Variants in CEP135 observed in about 807,000 individuals in gnomAD.
The protein encoded by CEP135 is centrosomal protein of 135 kDa.
A neutral mutation model predicts 157.3 loss-of-function variants in CEP135; 142 were observed. That is an observed-to-expected ratio of 0.90 (90% confidence interval 0.79 to 1.04). The LOEUF (loss-of-function observed/expected upper bound fraction) is 1.04. Ranked by LOEUF, CEP135 falls within the 50% of genes least tolerant of loss-of-function variation. The pLI is 0.00. For missense variants in CEP135, 1,317 were observed against 1,309.2 expected (o/e 1.01, Z -0.09); for synonymous variants, 396 against 439.8 (o/e 0.90, Z 1.25).
intron 24 of CEP135, 87 bp from the exon 25 acceptor site, chr4:56,024,414 T>C: frequency 3.6e-6 from 3 of 839,836 alleles, no homozygotes; most frequent in Non-Finnish European, 5.9e-6. Flanking sequence ...TTATTACAAA[T>C]TAGCTAATAA....
Position 55,967,370 on chromosome 4 carries a change from G to T in CEP135, c.1044+1511G>T, listed in dbSNP as rs1728874991. Among the ~76,000 whole-genome samples the T allele has an allele frequency of 2.6e-5, 4 of 152,068 alleles. 1 individual carries two copies. In the South Asian group the frequency reaches 8.3e-4, roughly 32 times the overall value. Reference sequence around the variant, plus strand: ...AATAGTGTCTTATTTAAAGCCTTTGGCCAGCCCCAACATTTCAGATTATCT... The same window carrying T: ...AATAGTGTCTTATTTAAAGCCTTTGTCCAGCCCCAACATTTCAGATTATCT... On this transcript the variant is annotated intron_variant, in intron 8 of 25. Coordinates refer to ENST00000257287, the MANE Select transcript of CEP135 (RefSeq NM_025009.5).
At chr4:56,018,242 A>C (rs1162945395) in intron 22 of CEP135, among the ~76,000 whole-genome samples, 3 of 152,136 alleles carry the variant, frequency 2.0e-5, no homozygotes, top group African/African-American at 7.2e-5. Flanking sequence ...GGCCTCCCAA[A>C]GTTCTGGGAT....
Position 56,019,556 on chromosome 4 carries a change from G to T in CEP135, c.3215+1G>T, listed in dbSNP as rs769347062. 3 of 1,605,668 alleles carry T rather than the reference G, an allele frequency of 1.9e-6. No individual in the cohort carries two copies. The highest frequency in any genetic ancestry group is 1.7e-5 in the Admixed American group (1 of 58,110). Reference sequence around the variant, plus strand: ...AGTTAACCCTTTCTGAAAGCAAATTGTAAGTGTCTTAAGTCAACTTATGCA... The same window carrying T: ...AGTTAACCCTTTCTGAAAGCAAATTTTAAGTGTCTTAAGTCAACTTATGCA... On this transcript the variant is annotated splice_donor_variant, in intron 23 of 25. Coordinates refer to ENST00000257287, the MANE Select transcript of CEP135 (RefSeq NM_025009.5). LOFTEE classifies it high-confidence loss of function.
intron 8 of CEP135, among the ~76,000 whole-genome samples, chr4:55,968,249 A>G (rs1728904667): frequency 6.6e-6 from 1 of 152,228 alleles, no homozygotes; most frequent in South Asian, 2.1e-4. Context: ...CAGCATTGCT[A>G]AAGAAGTTAA....
chr4:56,009,334 T>G (rs1281538269), intron 18 of CEP135, among the ~76,000 whole-genome samples: 9 of 152,140 alleles, frequency 5.9e-5, no homozygotes, highest in Non-Finnish European at 5.9e-5. Context: ...CTATTTTTTT[T>G]TGTATTTTTA....
intron 15 of CEP135, among the ~76,000 whole-genome samples, chr4:55,993,323 A>C (rs1729857491): frequency 6.6e-6 from 1 of 152,240 alleles, no homozygotes; most frequent in South Asian, 2.1e-4. Flanking sequence ...TAGGAAAAGA[A>C]AAGTCTGAGA....
At chr4:56,027,836 C>T (rs1295999846) in intron 25 of CEP135, among the ~76,000 whole-genome samples, 3 of 151,978 alleles carry the variant, frequency 2.0e-5, no homozygotes, top group East Asian at 1.9e-4. Flanking sequence ...ACTACAGGCA[C>T]GCCACCACAC....
At chr4:55,954,661 CTAT>C (rs1186518320) in intron 4 of CEP135, among the ~76,000 whole-genome samples, 1 of 151,962 alleles carries the variant, frequency 6.6e-6, no homozygotes, top group African/African-American at 2.4e-5. Context: ...ATTCTTTTTT[CTAT>C]TATTATTATC....
intron 15 of CEP135, among the ~76,000 whole-genome samples, chr4:55,998,972 T>C (rs1296202491): frequency 1.3e-5 from 2 of 152,170 alleles, no homozygotes; most frequent in Non-Finnish European, 2.9e-5. Flanking sequence ...TTGCCTCCAC[T>C]ATTGGAAAAA....
chr4:56,030,133 T>C (rs1233355995), intron 25 of CEP135, among the ~76,000 whole-genome samples: 1 of 152,174 alleles, frequency 6.6e-6, no homozygotes, highest in Admixed American at 6.5e-5. Context: ...GTCTCCTGCC[T>C]CTACATGGTG....
At position 55,985,252 on chromosome 4, in the gene CEP135, T is replaced by C. The variant is rs564096471; in HGVS notation, c.1780-29T>C. ...ATTTTGTTTTGTTATCTGATACAAA[T>C]GAACATTTTCTTTAACATTCTTTTT... is the stretch of plus-strand genomic sequence containing the variant. On this transcript the variant is annotated intron_variant, in intron 13 of 25. Transcript: ENST00000257287. The C allele has an allele frequency of 6.9e-6, 9 of 1,311,820 alleles. No homozygotes were observed. The South Asian group carries it at 8.5e-5, about 12-fold the overall frequency. The allele number at this position is 1,311,820 out of a possible 1,614,324, so 81.3% of individuals were successfully genotyped here. A position where few individuals can be genotyped will look rare whatever the true frequency, so the allele number is the denominator to read the frequency against.
chr4:55,985,752 G>A (rs892140387), intron 14 of CEP135, among the ~76,000 whole-genome samples: 5 of 152,054 alleles, frequency 3.3e-5, no homozygotes, highest in South Asian at 2.1e-4. Context: ...GAGCCACCAC[G>A]CCTGGCCTAA....
At chr4:55,986,240 T>TA (rs1028466732) in intron 14 of CEP135, among the ~76,000 whole-genome samples, 13 of 152,302 alleles carry the variant, frequency 8.5e-5, no homozygotes, top group African/African-American at 2.4e-4. Context: ...TTTGCTGTTA[T>TA]AAAAAAATCA....
chr4:56,007,857 G>C (rs1019445283), intron 17 of CEP135, among the ~76,000 whole-genome samples: 1 of 152,084 alleles, frequency 6.6e-6, no homozygotes, highest in Non-Finnish European at 1.5e-5. Flanking sequence ...TTGAGTCCTG[G>C]GATAGTGCTG....
intron 10 of CEP135, among the ~76,000 whole-genome samples, chr4:55,972,150 CA>C (rs927303197): frequency 3.8e-4 from 53 of 138,496 alleles, no homozygotes; most frequent in Middle Eastern, 3.7e-3. Context: ...ATTCCATCTC[CA>C]AAAAAAAAAA....
intron 6 of CEP135, 147 bp downstream of exon 6, chr4:55,959,913 T>C: frequency 1.4e-6 from 1 of 714,770 alleles, no homozygotes; most frequent in African/African-American, 1.8e-5. Flanking sequence ...AGTTAATAGC[T>C]GGAATGGCTT....
In CEP135 at chr4:55,957,339, G is replaced by T. The variant is rs1277514242; in HGVS notation, c.589G>T (p.Asp197Tyr). 1 of 1,613,274 alleles carries T rather than the reference G, an allele frequency of 6.2e-7. No individual in the cohort carries two copies. Among genetic ancestry groups the T allele is most frequent in the African/African-American group, 1.3e-5 (1 of 74,870 alleles). Reference protein sequence around the residue: ...VPQPDDPYIADLLQVADNRIQ... With the variant: ...VPQPDDPYIAYLLQVADNRIQ... ...TCAACCAGATGACCCTTACATTGCA[G>T]ACCTCCTTCAAGTGGCTGATAACAG... Residue 197 changes from aspartate (D) to tyrosine (Y), a missense_variant, in exon 5 of 26, where the codon GAC becomes TAC. Coordinates refer to ENST00000257287, the MANE Select transcript of CEP135 (RefSeq NM_025009.5).
chr4:55,979,807 T>C (rs537697489), intron 11 of CEP135, among the ~76,000 whole-genome samples: 1 of 152,334 alleles, frequency 6.6e-6, no homozygotes, highest in African/African-American at 2.4e-5. Context: ...AGCTTTTAGA[T>C]ACTGCTAATG....
chr4:56,028,345 GA>G (rs1359968970), intron 25 of CEP135, among the ~76,000 whole-genome samples: 2 of 152,278 alleles, frequency 1.3e-5, no homozygotes, highest in East Asian at 3.9e-4. Context: ...AGCAATGCAT[GA>G]GGGTTCCTGT....
Sources: allele counts gnomAD v4.1 joint callset (sites outside exome capture counted in the v4.1 genomes callset), GRCh38; gene constraint gnomAD v4.1.1; transcripts MANE v1.5; gene names NCBI Gene and HGNC (gene_info 2026-07-23, HGNC 2026-07-21).